The following ICA1 variants were observed in gnomAD, a reference collection of about 807,000 sequenced individuals.
The protein encoded by ICA1 is 69 kDa islet cell autoantigen.
Under a neutral mutation model 71.0 loss-of-function variants are expected in ICA1, and 40 were observed. The observed-to-expected ratio is 0.56, with a 90% CI of 0.44 to 0.73. ICA1 has a LOEUF of 0.73. Ranked by LOEUF, ICA1 falls within the 30% of genes least tolerant of loss-of-function variation. The pLI, the probability that ICA1 is intolerant of heterozygous loss-of-function variation, is 0.00. For synonymous variants in ICA1, 207 were observed against 209.5 expected (o/e 0.99, Z 0.10); for missense variants, 578 against 576.5 (o/e 1.00, Z -0.03).
chr7:8,196,923 C>A (rs1393597590), intron 6 of ICA1, among the ~76,000 whole-genome samples: 1 of 152,062 alleles, frequency 6.6e-6, no homozygotes, highest in Non-Finnish European at 1.5e-5. Flanking sequence ...TTTCTTTCCT[C>A]CCGCCATGTG....
intron 4 of ICA1, among the ~76,000 whole-genome samples, chr7:8,224,065 T>G (rs1797887451): frequency 6.6e-6 from 1 of 152,064 alleles, no homozygotes; most frequent in Non-Finnish European, 1.5e-5. Context: ...AGAGCTTATA[T>G]TCAAGCAGCA....
chr7:8,125,318 C>G (rs895383167), intron 13 of ICA1, among the ~76,000 whole-genome samples: 2 of 152,208 alleles, frequency 1.3e-5, no homozygotes, highest in African/African-American at 4.8e-5. Flanking sequence ...CATCCCTCCC[C>G]CTTGCTTAGT....
chr7:8,206,412 T>G (rs866030138), intron 6 of ICA1, among the ~76,000 whole-genome samples: 4 of 152,298 alleles, frequency 2.6e-5, no homozygotes, highest in South Asian at 2.1e-4. Context: ...AAAGCCTGAT[T>G]TCTCTCTTCC....
At chr7:8,118,789 A>G (rs1223491661) in intron 13 of ICA1, among the ~76,000 whole-genome samples, 1 of 152,058 alleles carries the variant, frequency 6.6e-6, no homozygotes, top group African/African-American at 2.4e-5. Flanking sequence ...AGCCCATGCC[A>G]CCTTTCCCCT....
intron 6 of ICA1, among the ~76,000 whole-genome samples, chr7:8,209,971 G>A (rs2128372387): frequency 6.6e-6 from 1 of 152,296 alleles, no homozygotes; most frequent in African/African-American, 2.4e-5. Context: ...AGGGAAGCTG[G>A]GGTTGGGGGA....
rs1361208553 is a variant in ICA1 at position 8,163,797 on chromosome 7, C to T, written c.580-5145G>A. On this transcript the variant is annotated intron_variant, in intron 6 of 13. Transcript: ENST00000402384. ...GTCAGTGTAGCTGCGTTGCTCAGAA[C>T]GAGCAGGAGGGTGGGATGAGATGAG... Among the ~76,000 whole-genome samples, 7 of 152,064 alleles carry T rather than the reference C, an allele frequency of 4.6e-5. No homozygotes were observed. In the East Asian group the frequency reaches 7.7e-4, roughly 17 times the overall value.
At chr7:8,119,352 G>A (rs1032906222) in intron 13 of ICA1, among the ~76,000 whole-genome samples, 1 of 152,166 alleles carries the variant, frequency 6.6e-6, no homozygotes. Flanking sequence ...AAACATGCAC[G>A]ACACTCAGCT....
At chr7:8,253,407 A>C (rs1273457794) in intron 1 of ICA1, among the ~76,000 whole-genome samples, 1 of 152,242 alleles carries the variant, frequency 6.6e-6, no homozygotes, top group Non-Finnish European at 1.5e-5. Flanking sequence ...GTGGGCTACT[A>C]TAAGACCATC....
At chr7:8,225,445 T>C (rs1351782187) in intron 4 of ICA1, among the ~76,000 whole-genome samples, 1 of 152,218 alleles carries the variant, frequency 6.6e-6, no homozygotes, top group Non-Finnish European at 1.5e-5. Context: ...CTTCCTTATG[T>C]TCTAGTGCTA....
chr7:8,244,146 T>G (rs1340085494), intron 1 of ICA1, among the ~76,000 whole-genome samples: 1 of 152,232 alleles, frequency 6.6e-6, no homozygotes, highest in Non-Finnish European at 1.5e-5. Flanking sequence ...TCACGCTACC[T>G]GACTTCAAAC....
intron 10 of ICA1, among the ~76,000 whole-genome samples, chr7:8,139,726 G>A (rs886673734): frequency 9.9e-5 from 15 of 152,224 alleles, no homozygotes; most frequent in Admixed American, 6.5e-5. Context: ...ATACCACCTG[G>A]TGTAGGATGT....
Position 8,173,899 on chromosome 7 carries a change from T to C in ICA1, c.580-15247A>G. 6.6e-6 allele frequency among the ~76,000 whole-genome samples: 1 copy of C among 152,174 alleles called. No homozygotes were observed. Among genetic ancestry groups the C allele is most frequent in the East Asian group, 1.9e-4 (1 of 5,200 alleles). ...CTTTGCTTTCATGATGGTTATGTTG[T>C]AGTGGGTGAAACTGGACAATAAATA... On this transcript the variant is annotated intron_variant, in intron 6 of 13. Coordinates refer to ENST00000402384, the MANE Select transcript of ICA1 (RefSeq NM_001136020.3). This position sits in a 1 kb window ranked among gnomAD's most constrained non-coding sequence, Gnocchi z 4.0.
chr7:8,174,917 G>A (rs1039058850), intron 6 of ICA1, among the ~76,000 whole-genome samples: 2 of 152,142 alleles, frequency 1.3e-5, no homozygotes, highest in African/African-American at 4.8e-5. Flanking sequence ...CGAAGAATGA[G>A]TGAGAAAGAC....
At chr7:8,258,893 A>G (rs3779357) in intron 1 of ICA1, among the ~76,000 whole-genome samples, 62,236 of 152,120 alleles carry the variant, frequency 0.41, 13,658 homozygotes, top group East Asian at 0.61. Context: ...AGTCCTTATC[A>G]GACAGATGGA....
intron 6 of ICA1, among the ~76,000 whole-genome samples, chr7:8,201,460 G>A (rs2128332867): frequency 6.6e-6 from 1 of 152,244 alleles, no homozygotes; most frequent in East Asian, 1.9e-4. Context: ...GCCTTTTAAA[G>A]ACACATGGAG....
At chr7:8,225,157 A>G (rs1798230306) in intron 4 of ICA1, among the ~76,000 whole-genome samples, 1 of 152,196 alleles carries the variant, frequency 6.6e-6, no homozygotes, top group Non-Finnish European at 1.5e-5. Context: ...AACACTCTTC[A>G]GTGAATCTCA....
intron 13 of ICA1, among the ~76,000 whole-genome samples, chr7:8,118,882 G>A (rs1785676523): frequency 6.6e-6 from 1 of 152,142 alleles, no homozygotes; most frequent in Admixed American, 6.5e-5. Context: ...CATCACCTAT[G>A]TGCTGGTTAG....
chr7:8,199,265 T>G (rs1788728410), intron 6 of ICA1, among the ~76,000 whole-genome samples: 1 of 152,168 alleles, frequency 6.6e-6, no homozygotes, highest in African/African-American at 2.4e-5. Context: ...ATCAAAGACA[T>G]ATCTGCACTC....
At chr7:8,218,694 C>T (rs1796140912) in intron 5 of ICA1, 191 bp from the exon 6 acceptor site, 1 of 608,542 alleles carries the variant, frequency 1.6e-6, no homozygotes, top group Non-Finnish European at 2.9e-6. Context: ...AGAAGATTAT[C>T]CATGTACCCA....
Sources: allele counts gnomAD v4.1 joint callset (sites outside exome capture counted in the v4.1 genomes callset), GRCh38; gene constraint gnomAD v4.1.1; non-coding constraint Gnocchi (gnomAD v3.1); transcripts MANE v1.5; gene names NCBI Gene and HGNC (gene_info 2026-07-23, HGNC 2026-07-21).